The following SCN9A variants were observed in gnomAD, a reference collection of about 807,000 sequenced individuals.
SCN9A encodes the protein sodium voltage-gated channel alpha subunit 9, also known as sodium channel protein type 9 subunit alpha.
SCN9A carries 131 observed loss-of-function variants against 187.0 expected under a neutral mutation model. The ratio of observed to expected loss-of-function variants is 0.70; its 90% CI spans 0.61 to 0.81. The LOEUF (loss-of-function observed/expected upper bound fraction) is 0.81. SCN9A is among the 30% of genes least tolerant of loss of function. The pLI, the probability that SCN9A is intolerant of heterozygous loss-of-function variation, is 0.00. For synonymous variants in SCN9A, 809 were observed against 808.6 expected (o/e 1.00, Z -0.01); for missense variants, 2,252 against 2,396.6 (o/e 0.94, Z 1.26).
chr2:166,255,118 G>GGAGA (rs35669204), intron 17 of SCN9A, among the ~76,000 whole-genome samples: 38 of 147,650 alleles, frequency 2.6e-4, no homozygotes, highest in Admixed American at 6.1e-4. Context: ...AAGAGAGAGA[G>GGAGA]GAGAGAGAGA....
At chr2:166,256,680 G>C (rs1696291765) in intron 17 of SCN9A, among the ~76,000 whole-genome samples, 1 of 151,106 alleles carries the variant, frequency 6.6e-6, no homozygotes, top group Admixed American at 6.6e-5. Context: ...TCTATTGCTA[G>C]CAGAGAAATA....
At chr2:166,214,119 A>G (rs1240556532) in intron 24 of SCN9A, among the ~76,000 whole-genome samples, 3 of 152,118 alleles carry the variant, frequency 2.0e-5, no homozygotes, top group Admixed American at 2.0e-4. Context: ...CATCTTCATA[A>G]TTGCCTTGGT....
intron 24 of SCN9A, among the ~76,000 whole-genome samples, chr2:166,226,315 A>G (rs1054427382): frequency 6.6e-6 from 1 of 152,202 alleles, no homozygotes; most frequent in African/African-American, 2.4e-5. Context: ...TAGTTGATAT[A>G]TTGCTCAAAA....
chr2:166,277,516 G>A (rs1315906312), intron 15 of SCN9A, among the ~76,000 whole-genome samples, 177 bp from the exon 16 acceptor site: 1 of 151,578 alleles, frequency 6.6e-6, no homozygotes. Context: ...CTGTTATTTT[G>A]TTCCACTTGC....
At chr2:166,290,658 A>C (rs1698021284) in intron 9 of SCN9A, among the ~76,000 whole-genome samples, 1 of 152,116 alleles carries the variant, frequency 6.6e-6, no homozygotes, top group African/African-American at 2.4e-5. Context: ...TGCGTTTCTT[A>C]ATGATCACTG....
At chr2:166,205,760 C>A (rs1290777114) in intron 24 of SCN9A, among the ~76,000 whole-genome samples, 1 of 151,974 alleles carries the variant, frequency 6.6e-6, no homozygotes, top group African/African-American at 2.4e-5. Flanking sequence ...TGCAATTTAT[C>A]CATCTGACAA....
intron 1 of SCN9A, among the ~76,000 whole-genome samples, chr2:166,361,998 A>G (rs1700297169): frequency 6.6e-6 from 1 of 152,100 alleles, no homozygotes; most frequent in African/African-American, 2.4e-5. Flanking sequence ...ATTCAATATC[A>G]AAATAAGTGA....
chr2:166,280,877 A>G (rs1346537050), intron 13 of SCN9A, among the ~76,000 whole-genome samples: 2 of 152,218 alleles, frequency 1.3e-5, no homozygotes, highest in African/African-American at 2.4e-5. Context: ...ATGTGATGGT[A>G]AACAGGAGAA....
chr2:166,236,401 GT>G (rs200592880), intron 20 of SCN9A, among the ~76,000 whole-genome samples: 3,142 of 152,084 alleles, frequency 0.021, 120 homozygotes, highest in African/African-American at 0.073. Flanking sequence ...TTAATATGTT[GT>G]GTGATTAAGA....
chr2:166,279,377 A>G (rs748215106), intron 14 of SCN9A, among the ~76,000 whole-genome samples: 7 of 152,174 alleles, frequency 4.6e-5, no homozygotes, highest in Non-Finnish European at 8.8e-5. Context: ...AAAGATACCC[A>G]AAGTTATTCA....
chr2:166,375,481 C>G (rs1054245653), intron 1 of SCN9A, among the ~76,000 whole-genome samples: 2 of 152,170 alleles, frequency 1.3e-5, no homozygotes, highest in Non-Finnish European at 2.9e-5. Flanking sequence ...GCCCAGCTAT[C>G]GAAATAACTA....
rs539955067 is a variant in SCN9A, at chr2:166,311,055, C to T, written c.258+444G>A. ...AGGTGGGAATTGAACAATGAAATCA[C>T]ATGGACACAGGAAGGGGAATATCAC... On this transcript the variant is annotated intron_variant, in intron 2 of 26. Coordinates refer to ENST00000642356, the MANE Select transcript of SCN9A (RefSeq NM_001365536.1). Among the ~76,000 whole-genome samples, 165 of 89,498 alleles carry T rather than the reference C, an allele frequency of 1.8e-3. 3 individuals are homozygous for T. The East Asian group carries it at 0.038, about 21-fold the overall frequency. The allele number at this position is 89,498 out of a possible 152,430, so 58.7% of individuals were successfully genotyped here.
chr2:166,275,526 G>A lies in SCN9A; in HGVS notation c.2874+1457C>T, dbSNP rs560528800. On this transcript the variant is annotated intron_variant, in intron 16 of 26. Coordinates refer to ENST00000642356, the MANE Select transcript of SCN9A (RefSeq NM_001365536.1). ...TTGAACCTGGGAGGTGGAGGTTGGG[G>A]TGAGCCGAGATCACATCATTGCACT... 3.3e-5 allele frequency among the ~76,000 whole-genome samples: 5 copies of A among 151,722 alleles called. No homozygotes were observed. In the South Asian group the frequency reaches 1.0e-3, roughly 32 times the overall value.
chr2:166,370,620 A>G (rs1700539083), intron 1 of SCN9A, among the ~76,000 whole-genome samples: 1 of 152,106 alleles, frequency 6.6e-6, no homozygotes, highest in Non-Finnish European at 1.5e-5. Flanking sequence ...CATATAGCAC[A>G]TAAAATTTTT....
chr2:166,367,545 G>A (rs1180040832), intron 1 of SCN9A, among the ~76,000 whole-genome samples: 5 of 152,124 alleles, frequency 3.3e-5, no homozygotes, highest in Admixed American at 6.5e-5. Flanking sequence ...GATTACGGGC[G>A]TAAGCCACCG....
chr2:166,287,222 GAT>G, intron 10 of SCN9A, among the ~76,000 whole-genome samples: 2 of 151,540 alleles, frequency 1.3e-5, no homozygotes, highest in Middle Eastern at 3.4e-3. Context: ...GGGAAATAAA[GAT>G]ATAAATGAAA....
At chr2:166,235,679 A>G (rs865836008) in intron 20 of SCN9A, among the ~76,000 whole-genome samples, 9 of 132,520 alleles carry the variant, frequency 6.8e-5, no homozygotes, top group African/African-American at 1.8e-4. Context: ...TACTTTTCAG[A>G]AAAAAAAAAA....
At chr2:166,219,843 G>A (rs1188200936) in intron 24 of SCN9A, among the ~76,000 whole-genome samples, 1 of 152,172 alleles carries the variant, frequency 6.6e-6, no homozygotes, top group African/African-American at 2.4e-5. Flanking sequence ...AGTGGGTGAA[G>A]TGATGGTTAT....
chr2:166,323,325 C>T (rs929193001), intron 1 of SCN9A, among the ~76,000 whole-genome samples: 3 of 152,118 alleles, frequency 2.0e-5, no homozygotes, highest in African/African-American at 7.2e-5. Context: ...TGGTATGGCT[C>T]TGAACATACT....
Sources: allele counts gnomAD v4.1 joint callset (sites outside exome capture counted in the v4.1 genomes callset), GRCh38; gene constraint gnomAD v4.1.1; transcripts MANE v1.5; gene names NCBI Gene and HGNC (gene_info 2026-07-23, HGNC 2026-07-21).